The following LYPLAL1 variants were observed in gnomAD, a reference collection of about 807,000 sequenced individuals.
LYPLAL1 encodes the protein lysophospholipase like 1.
Under a neutral mutation model 19.7 loss-of-function variants are expected in LYPLAL1, and 23 were observed. The observed-to-expected ratio is 1.17, with a 90% CI of 0.84 to 1.65. The LOEUF (loss-of-function observed/expected upper bound fraction) is 1.65, where lower values mean the gene tolerates loss of function less well. LYPLAL1 is among the 40% of genes most tolerant of loss of function. The probability of loss-of-function intolerance (pLI) is 0.00; values close to 1 mark genes in which losing one functional copy is unlikely to be tolerated. For missense variants in LYPLAL1, 355 were observed against 279.4 expected (o/e 1.27, Z -1.93); for synonymous variants, 119 against 96.3 (o/e 1.24, Z -1.38).
chr1:219,174,056 A>T, intron 1 of LYPLAL1, 75 bp downstream of exon 1: 1 of 1,589,686 alleles, frequency 6.3e-7, no homozygotes, highest in Non-Finnish European at 8.6e-7. Flanking sequence ...AGTATTGCCC[A>T]AGTGGAGGTG....
the LYPLAL1 span, among the ~76,000 whole-genome samples, chr1:219,362,096 C>G: frequency 6.6e-6 from 1 of 152,198 alleles, no homozygotes; most frequent in South Asian, 2.1e-4. Flanking sequence ...AAGAGGACTC[C>G]AAGAACTTTT....
the LYPLAL1 span, among the ~76,000 whole-genome samples, chr1:219,344,825 C>T: frequency 1.3e-5 from 2 of 152,142 alleles, no homozygotes; most frequent in Non-Finnish European, 2.9e-5. Flanking sequence ...TGAGATGTTT[C>T]TGAAAATATT....
the LYPLAL1 span, among the ~76,000 whole-genome samples, chr1:219,259,227 T>C: frequency 2.6e-5 from 4 of 151,796 alleles, no homozygotes; most frequent in Non-Finnish European, 1.5e-5. Context: ...AAAGTAAAAG[T>C]AGAATTACCA....
At chr1:219,250,716 T>TAC in the LYPLAL1 span, among the ~76,000 whole-genome samples, 1,152 of 152,202 alleles carry the variant, frequency 7.6e-3, 4 homozygotes, top group South Asian at 0.022. Flanking sequence ...GATGGGTGTT[T>TAC]AGGTTGATTT....
At chr1:219,218,489 C>T in the LYPLAL1 span, among the ~76,000 whole-genome samples, 2 of 140,576 alleles carry the variant, frequency 1.4e-5, no homozygotes, top group East Asian at 2.3e-4. Flanking sequence ...CTTAAAACAT[C>T]GAGACTTTTT....
the LYPLAL1 span, chr1:219,411,750 C>G: frequency 6.3e-6 from 1 of 158,420 alleles, no homozygotes; most frequent in Non-Finnish European, 1.4e-5. Context: ...CCTGAGCCAG[C>G]GAGACCACGA....
chr1:219,360,520 T>C, the LYPLAL1 span, among the ~76,000 whole-genome samples: 1 of 152,210 alleles, frequency 6.6e-6, no homozygotes, highest in African/African-American at 2.4e-5. Flanking sequence ...TTTATTCTTC[T>C]TCATATTCCA....
At chr1:219,293,501 G>A in the LYPLAL1 span, among the ~76,000 whole-genome samples, 1 of 151,238 alleles carries the variant, frequency 6.6e-6, no homozygotes, top group African/African-American at 2.4e-5. Context: ...TCATATCACT[G>A]GAGACATTGT....
chr1:219,369,814 G>A, the LYPLAL1 span, among the ~76,000 whole-genome samples: 1 of 152,206 alleles, frequency 6.6e-6, no homozygotes, highest in African/African-American at 2.4e-5. Context: ...GTGCCAGACT[G>A]TGATACGAAT....
chr1:219,444,522 A>G, the LYPLAL1 span, among the ~76,000 whole-genome samples: 1 of 152,238 alleles, frequency 6.6e-6, no homozygotes, highest in Admixed American at 6.5e-5. Flanking sequence ...AGCAAATGCC[A>G]TATAAAATCT....
the LYPLAL1 span, among the ~76,000 whole-genome samples, chr1:219,229,325 G>GAGAGAGAGAGAGAGAGAGAGAC: frequency 3.7e-5 from 4 of 107,638 alleles, no homozygotes; most frequent in South Asian, 2.8e-4. Context: ...GAGAGAGAGA[G>GAGAGAGAGAGAGAGAGAGAGAC]AGAGAGAGAG....
chr1:219,236,774 G>T, the LYPLAL1 span, among the ~76,000 whole-genome samples: 1 of 152,154 alleles, frequency 6.6e-6, no homozygotes, highest in Admixed American at 6.5e-5. Context: ...TTTAACTTCT[G>T]GGGTACATGT....
intron 3 of LYPLAL1, among the ~76,000 whole-genome samples, chr1:219,202,613 G>T (rs1000288909): frequency 1.3e-5 from 2 of 152,170 alleles, no homozygotes; most frequent in African/African-American, 4.8e-5. Flanking sequence ...GGAAATAAAA[G>T]AAAAATGCAT....
the LYPLAL1 span, among the ~76,000 whole-genome samples, chr1:219,370,297 G>T: frequency 1.3e-5 from 2 of 152,090 alleles, no homozygotes; most frequent in Admixed American, 6.5e-5. Context: ...CCCTCTCACT[G>T]CAAGCCTGTG....
chr1:219,273,938 G>A, the LYPLAL1 span, among the ~76,000 whole-genome samples: 2 of 151,916 alleles, frequency 1.3e-5, no homozygotes, highest in Admixed American at 1.3e-4. Flanking sequence ...TTTTTTATAT[G>A]TTTAGCAGAG....
the LYPLAL1 span, among the ~76,000 whole-genome samples, chr1:219,291,293 GTGT>G: frequency 6.6e-6 from 1 of 152,266 alleles, no homozygotes; most frequent in South Asian, 2.1e-4. Context: ...TAGTCAGTTT[GTGT>G]TTTAGTTCAG....
the LYPLAL1 span, among the ~76,000 whole-genome samples, chr1:219,260,302 G>A: frequency 6.6e-6 from 1 of 151,832 alleles, no homozygotes; most frequent in East Asian, 1.9e-4. Context: ...GGAAAAAATT[G>A]TATTAATGGA....
the LYPLAL1 span, among the ~76,000 whole-genome samples, chr1:219,342,279 A>G: frequency 6.6e-6 from 1 of 152,244 alleles, no homozygotes; most frequent in South Asian, 2.1e-4. Flanking sequence ...ATGTTTGAGT[A>G]TAGAACAGCT....
intron 1 of LYPLAL1, among the ~76,000 whole-genome samples, chr1:219,174,724 G>C (rs1655670440): frequency 6.6e-6 from 1 of 152,180 alleles, no homozygotes; most frequent in South Asian, 2.1e-4. Flanking sequence ...GATTATGAGA[G>C]TAAGGGCCCT....
Sources: allele counts gnomAD v4.1 joint callset (sites outside exome capture counted in the v4.1 genomes callset), GRCh38; gene constraint gnomAD v4.1.1; transcripts MANE v1.5; gene names NCBI Gene and HGNC (gene_info 2026-07-23, HGNC 2026-07-21).